The following BIRC6 variants were observed in gnomAD, a reference collection of about 807,000 sequenced individuals.
BIRC6 encodes the protein dual E2 ubiquitin-conjugating enzyme/E3 ubiquitin-protein ligase BIRC6.
In BIRC6, 98 loss-of-function variants were observed where a neutral mutation model predicts 503.3. The observed-to-expected ratio is 0.19, with a 90% CI of 0.17 to 0.23. BIRC6 has a LOEUF of 0.23. BIRC6 is among the 10% of genes least tolerant of loss of function. The pLI is 1.00. For synonymous variants in BIRC6, 2,240 were observed against 2,078.7 expected, an observed-to-expected ratio of 1.08 and a Z score of -2.11; for missense variants, 5,360 against 5,806.0, an observed-to-expected ratio of 0.92 and a Z score of 2.50.
chr2:32,435,081 A>C (rs1471450017), intron 13 of BIRC6, among the ~76,000 whole-genome samples: 1 of 152,062 alleles, frequency 6.6e-6, no homozygotes, highest in Admixed American at 6.5e-5. Flanking sequence ...GTGTGTCTGT[A>C]TATTTATGTG....
chr2:32,611,122 T>C (rs998449102), intron 72 of BIRC6, among the ~76,000 whole-genome samples: 2 of 150,888 alleles, frequency 1.3e-5, no homozygotes, highest in Non-Finnish European at 2.9e-5. Flanking sequence ...TTTTTTTTGT[T>C]TGAGATGGAG....
chr2:32,538,166 A>G (rs897598018), intron 61 of BIRC6, among the ~76,000 whole-genome samples: 1 of 152,110 alleles, frequency 6.6e-6, no homozygotes, highest in Non-Finnish European at 1.5e-5. Context: ...CCACAGTCAT[A>G]TTGGCTGGAG....
chr2:32,357,129 G>C lies in BIRC6; in HGVS notation c.-33G>C, dbSNP rs1181509888. 1 of 1,453,898 alleles carries C rather than the reference G, an allele frequency of 6.9e-7. No individual in the cohort carries two copies. The highest frequency in any genetic ancestry group is 1.5e-5 in the African/African-American group (1 of 67,018). 90.1% of individuals were successfully genotyped at this position (1,453,898 alleles called of 1,614,324 possible). The stretch of plus-strand genomic sequence containing the variant: ...CGTGCGGGCGCCTGACTTCACTTCC[G>C]GCTAACGCGCTCGGCTTGCCCCCTG... On this transcript the variant is annotated 5_prime_UTR_variant, in exon 1 of 74. Transcript: ENST00000421745. This position sits in a 1 kb window ranked among gnomAD's most constrained non-coding sequence, Gnocchi z 4.9.
chr2:32,480,809 T>C (rs1339115704), intron 37 of BIRC6, among the ~76,000 whole-genome samples: 1 of 151,600 alleles, frequency 6.6e-6, no homozygotes, highest in Non-Finnish European at 1.5e-5. Flanking sequence ...ACCCAGCTAA[T>C]TTTTGTATTT....
At chr2:32,587,652 A>G (rs969165096) in intron 66 of BIRC6, among the ~76,000 whole-genome samples, 4 of 152,168 alleles carry the variant, frequency 2.6e-5, no homozygotes, top group African/African-American at 9.7e-5. Flanking sequence ...TGAACCTGGG[A>G]GGTGAAGGTT....
intron 3 of BIRC6, among the ~76,000 whole-genome samples, chr2:32,380,723 G>T (rs2037511215): frequency 1.3e-5 from 2 of 151,766 alleles, no homozygotes; most frequent in Non-Finnish European, 2.9e-5. Flanking sequence ...GTGAGACTCT[G>T]TTGCCCAAAA....
In BIRC6 at chr2:32,617,801, C is replaced by T. The variant is rs866849386; in HGVS notation, c.14471C>T (p.Ala4824Val). The stretch of plus-strand genomic sequence containing the variant: ...GGCTTGGATCCTGACACTGACGATG[C>T]CCCAGAGGTGTGCAGAGCCACAACA... ...PEGLDPDTDDAPEVCRATTGA... is the reference protein window; with the variant it reads ...PEGLDPDTDDVPEVCRATTGA... The change falls in exon 74 of 74, where the codon GCC becomes GTC. Residue 4824 changes from alanine to valine, a missense_variant. By Grantham distance (64) the Ala-to-Val change is moderately conservative. Transcript: ENST00000421745. 2.2e-5 allele frequency: 35 copies of T among 1,613,972 alleles called. No individual in the cohort carries two copies. Among genetic ancestry groups the T allele is most frequent in the Middle Eastern group, 1.6e-4 (1 of 6,062 alleles).
intron 8 of BIRC6, among the ~76,000 whole-genome samples, chr2:32,402,628 G>T (rs1397509723): frequency 6.6e-6 from 1 of 152,176 alleles, no homozygotes; most frequent in Non-Finnish European, 1.5e-5. Flanking sequence ...TTAAAGCCTT[G>T]TGGTTGTTCT....
At chr2:32,466,758 C>T (rs2048581137) in intron 26 of BIRC6, among the ~76,000 whole-genome samples, 1 of 152,198 alleles carries the variant, frequency 6.6e-6, no homozygotes. Flanking sequence ...GGTTGATTGC[C>T]TTAACTGTAA....
chr2:32,536,464 A>T (rs1558999034), intron 61 of BIRC6, among the ~76,000 whole-genome samples: 1 of 152,138 alleles, frequency 6.6e-6, no homozygotes, highest in African/African-American at 2.4e-5. Context: ...TCTTTGATGC[A>T]TCTTGAATTA....
In BIRC6 at chr2:32,442,011, G is replaced by A. The variant is rs2045489410; in HGVS notation, c.3945-54G>A. On this transcript the variant is annotated intron_variant, in intron 17 of 73. Transcript: ENST00000421745. Reference sequence around the variant, plus strand: ...TTGCCTTTCCAGCCAGGTTGTGATAGCTTTAGTTGTTCTGTTTTGTTTGGT... The same window carrying A: ...TTGCCTTTCCAGCCAGGTTGTGATAACTTTAGTTGTTCTGTTTTGTTTGGT... 12 of 1,324,138 alleles carry A rather than the reference G, an allele frequency of 9.1e-6. No homozygotes were observed. In the East Asian group the frequency reaches 2.9e-4, roughly 32 times the overall value. 82.0% of individuals were successfully genotyped at this position (1,324,138 alleles called of 1,614,324 possible). A position where few individuals can be genotyped will look rare whatever the true frequency, so the allele number is the denominator to read the frequency against.
chr2:32,407,402 G>A (rs558500478), intron 9 of BIRC6, among the ~76,000 whole-genome samples: 6 of 142,262 alleles, frequency 4.2e-5, no homozygotes, highest in Admixed American at 3.1e-4. Context: ...CTGAGATTGC[G>A]CCATTGCACT....
rs568007527 is a variant in BIRC6 at position 32,473,218 on chromosome 2, G to A, written c.6699G>A (p.Lys2233=). 2.4e-5 allele frequency: 37 copies of A among 1,547,340 alleles called. 1 individual carries two copies. The East Asian group carries it at 5.3e-4, about 22-fold the overall frequency. Residue 2233 remains lysine (K), a synonymous_variant, in exon 33 of 74, where the codon AAG becomes AAA. Transcript: ENST00000421745. The part of the protein sequence containing the change: ...LDRLYSRKIR[K]QLVHHKQQLN... ...GATTATATTCCAGAAAAATCAGAAA[G>A]CAGCTTGTTCATCATAAACAGGTAA...
intron 33 of BIRC6, among the ~76,000 whole-genome samples, chr2:32,474,648 C>T (rs1317307265): frequency 1.3e-5 from 2 of 152,306 alleles, no homozygotes; most frequent in East Asian, 1.9e-4. Flanking sequence ...TACTAACTTA[C>T]TGCCAAATGG....
chr2:32,585,726 C>A (rs2060980835), intron 66 of BIRC6, among the ~76,000 whole-genome samples: 1 of 152,096 alleles, frequency 6.6e-6, no homozygotes, highest in Admixed American at 6.5e-5. Flanking sequence ...TCATTTTTTT[C>A]TCTTCTTGTT....
At chr2:32,433,365 G>A (rs2044349234) in intron 12 of BIRC6, among the ~76,000 whole-genome samples, 2 of 152,164 alleles carry the variant, frequency 1.3e-5, no homozygotes, top group Admixed American at 1.3e-4. Flanking sequence ...CCAGGAATTT[G>A]CACGTAATTC....
chr2:32,357,439 T>C lies in BIRC6; in HGVS notation c.278T>C (p.Val93Ala). The C allele has an allele frequency of 6.5e-7, 1 of 1,550,000 alleles. No individual in the cohort carries two copies. Among genetic ancestry groups the C allele is most frequent in the African/African-American group, 1.4e-5 (1 of 73,018 alleles). ...LAVTSRGTIK[V>A]IDGTSGATLQ... ...GTCACTAGCCGCGGGACCATCAAAG[T>C]CATCGACGGCACCTCGGGGGCCACA... The change falls in exon 1 of 74, where the codon GTC (valine) becomes GCC (alanine). Residue 93 changes from valine (V) to alanine (A), a missense_variant. Coordinates refer to ENST00000421745, the MANE Select transcript of BIRC6 (RefSeq NM_016252.4). This position sits in a 1 kb window ranked among gnomAD's most constrained non-coding sequence, Gnocchi z 4.9.
chr2:32,358,115 C>T (rs2033458006), intron 1 of BIRC6, among the ~76,000 whole-genome samples: 1 of 151,812 alleles, frequency 6.6e-6, no homozygotes, highest in Admixed American at 6.6e-5. Context: ...GCTTGGTCGA[C>T]GACTGTAGGA....
At chr2:32,519,157 G>A (rs560990627) in intron 57 of BIRC6, 159 of 444,582 alleles carry the variant, frequency 3.6e-4, no homozygotes, top group African/African-American at 3.0e-3. Context: ...TTGGTTTATT[G>A]TGTCACAGTG....
Sources: allele counts gnomAD v4.1 joint callset (sites outside exome capture counted in the v4.1 genomes callset), GRCh38; gene constraint gnomAD v4.1.1; non-coding constraint Gnocchi (gnomAD v3.1); transcripts MANE v1.5; gene names NCBI Gene and HGNC (gene_info 2026-07-23, HGNC 2026-07-21).